TRPM3: variants seen among roughly 807,000 people sequenced by gnomAD.
TRPM3 encodes the protein transient receptor potential cation channel subfamily M member 3.
TRPM3 carries 77 observed loss-of-function variants against 181.2 expected under a neutral mutation model. That is an observed-to-expected ratio of 0.42 (90% CI 0.35 to 0.51). The LOEUF (loss-of-function observed/expected upper bound fraction) is 0.51, where lower values mean the gene tolerates loss of function less well. Among genes scored for constraint, TRPM3 ranks in the 20% least tolerant of loss-of-function variants. The pLI is 0.01. For missense variants in TRPM3, 1,759 were observed against 2,196.7 expected (o/e 0.80, Z 3.98); for synonymous variants, 745 against 796.4 (o/e 0.94, Z 1.09).
At chr9:71,436,298 C>CTTTTTTTTT (rs71352382) in intron 1 of TRPM3, among the ~76,000 whole-genome samples, 1 of 77,298 alleles carries the variant, frequency 1.3e-5, no homozygotes, top group African/African-American at 4.4e-5. Flanking sequence ...TTTTTTCTTT[C>CTTTTTTTTT]TTTTTTTTTT....
At chr9:70,918,661 A>G (rs946486963) in intron 1 of TRPM3, among the ~76,000 whole-genome samples, 4 of 152,206 alleles carry the variant, frequency 2.6e-5, no homozygotes, top group African/African-American at 9.6e-5. Context: ...CTATGTCAAA[A>G]AAGAAGAAAA....
At chr9:70,983,461 C>T (rs1035686711) in intron 1 of TRPM3, among the ~76,000 whole-genome samples, 53 of 152,178 alleles carry the variant, frequency 3.5e-4, no homozygotes, top group African/African-American at 1.2e-3. Flanking sequence ...TTCTCTTGTG[C>T]CAGCATTTTC....
At position 70,535,914 on chromosome 9, in the gene TRPM3, C is replaced by T. The variant is rs759790392; in HGVS notation, c.*39G>A. On this transcript the variant is annotated 3_prime_UTR_variant, in exon 26 of 26. Transcript: ENST00000677713. ...ACTGGAGTTGGAGAGAATTTTAGGG[C>T]TGGATTCTTGAGCCTTCTGTGGCGG... 1.6e-5 allele frequency: 24 copies of T among 1,535,070 alleles called. No homozygotes were observed. The highest frequency in any genetic ancestry group is 3.5e-4 in the Middle Eastern group (2 of 5,650).
chr9:71,142,593 A>C (rs1273979650), intron 1 of TRPM3, among the ~76,000 whole-genome samples: 1 of 152,128 alleles, frequency 6.6e-6, no homozygotes, highest in Non-Finnish European at 1.5e-5. Flanking sequence ...CTAATGTTTA[A>C]ATTTTAATAT....
chr9:70,934,009 T>A (rs570689391), intron 1 of TRPM3, among the ~76,000 whole-genome samples: 1 of 152,108 alleles, frequency 6.6e-6, no homozygotes, highest in Non-Finnish European at 1.5e-5. Context: ...CAATTTTCTC[T>A]TGGAAGAATT....
At chr9:71,404,154 G>C (rs150688484) in intron 1 of TRPM3, among the ~76,000 whole-genome samples, 2 of 152,266 alleles carry the variant, frequency 1.3e-5, no homozygotes, top group Non-Finnish European at 2.9e-5. Context: ...TACATCCCAA[G>C]GTGATTGCAA....
chr9:70,886,588 A>C (rs571706703), intron 1 of TRPM3, among the ~76,000 whole-genome samples: 1 of 152,296 alleles, frequency 6.6e-6, no homozygotes, highest in South Asian at 2.1e-4. Context: ...AGGACTGCTG[A>C]GGAAGAAATA....
At chr9:70,764,788 C>G (rs1195263789) in intron 7 of TRPM3, among the ~76,000 whole-genome samples, 1 of 152,168 alleles carries the variant, frequency 6.6e-6, no homozygotes, top group African/African-American at 2.4e-5. Context: ...ACTGCCCTTT[C>G]TGATTCAGTT....
chr9:71,256,766 G>A (rs1187938043), intron 1 of TRPM3, among the ~76,000 whole-genome samples: 1 of 152,130 alleles, frequency 6.6e-6, no homozygotes, highest in Non-Finnish European at 1.5e-5. Context: ...GTGATAGCAG[G>A]AGGCCCTTGC....
upstream of TRPM3, among the ~76,000 whole-genome samples, chr9:71,121,979 C>G (rs1263182592): frequency 6.6e-6 from 1 of 152,216 alleles, no homozygotes; most frequent in Non-Finnish European, 1.5e-5. Context: ...GATTGACAGT[C>G]TTCATCCTGA....
intron 1 of TRPM3, among the ~76,000 whole-genome samples, chr9:71,043,458 A>G (rs1442092270): frequency 7.2e-5 from 11 of 152,334 alleles, no homozygotes; most frequent in African/African-American, 2.6e-4. Context: ...TACATAAAAT[A>G]TAAAAGCTAC....
intron 1 of TRPM3, among the ~76,000 whole-genome samples, chr9:71,055,290 A>C (rs751372425): frequency 5.3e-5 from 8 of 152,118 alleles, no homozygotes; most frequent in Non-Finnish European, 1.2e-4. Flanking sequence ...GAGTTAGTAG[A>C]AACTTAAAGA....
At chr9:71,168,623 ATTT>A (rs1216365852) in intron 1 of TRPM3, among the ~76,000 whole-genome samples, 24 of 50,644 alleles carry the variant, frequency 4.7e-4, no homozygotes, top group African/African-American at 1.1e-3. Flanking sequence ...TTTTATTATT[ATTT>A]TTTTATTATT....
At chr9:71,353,389 G>C (rs966648196) in intron 1 of TRPM3, among the ~76,000 whole-genome samples, 1 of 152,050 alleles carries the variant, frequency 6.6e-6, no homozygotes, top group African/African-American at 2.4e-5. Flanking sequence ...TGAGTAAATG[G>C]GTGAATGCAT....
chr9:71,157,241 G>C (rs942134624), intron 1 of TRPM3, among the ~76,000 whole-genome samples: 5 of 152,064 alleles, frequency 3.3e-5, no homozygotes, highest in African/African-American at 9.7e-5. Context: ...TCTAACAAAT[G>C]TTACAGTTCT....
intron 1 of TRPM3, among the ~76,000 whole-genome samples, chr9:70,941,537 T>G (rs1194923554): frequency 6.6e-6 from 1 of 152,198 alleles, no homozygotes; most frequent in Non-Finnish European, 1.5e-5. Flanking sequence ...CAATTCTCCT[T>G]AATAAACCCC....
In TRPM3 at chr9:71,049,216, A is replaced by G. The variant is rs143706787; in HGVS notation, c.177+71962T>C. 2.1e-3 allele frequency among the ~76,000 whole-genome samples: 319 copies of G among 152,066 alleles called. 2 individuals carry two copies. The highest frequency in any genetic ancestry group is 6.3e-3 in the African/African-American group (263 of 41,460). On this transcript the variant is annotated intron_variant, in intron 1 of 25. Transcript: ENST00000677713. ...CTTACCTTTATTATTATGAGGCACA[A>G]CCCGACTCCCTCACCCCAAGGCTGC... is the stretch of plus-strand genomic sequence containing the variant.
chr9:71,388,449 T>C (rs1325093355), intron 1 of TRPM3, among the ~76,000 whole-genome samples: 1 of 152,112 alleles, frequency 6.6e-6, no homozygotes, highest in Non-Finnish European at 1.5e-5. Flanking sequence ...GGAGCCTTAG[T>C]GTACATGCGT....
chr9:70,839,197 G>C, intron 5 of TRPM3, among the ~76,000 whole-genome samples: 1 of 152,100 alleles, frequency 6.6e-6, no homozygotes. Flanking sequence ...TTTCCCTGTA[G>C]CTTGAATCTC....
Sources: gnomAD v4.1 joint callset for allele counts (sites outside exome capture counted in the v4.1 genomes callset) on GRCh38, gnomAD v4.1.1 for gene constraint, MANE v1.5 for transcripts, NCBI Gene and HGNC (gene_info 2026-07-23, HGNC 2026-07-21) for gene names.